Variants in PPARGC1A observed in about 807,000 individuals in gnomAD.
PPARGC1A encodes PPARG coactivator 1 alpha, also known as peroxisome proliferator-activated receptor gamma coactivator 1-alpha.
PPARGC1A carries 25 observed loss-of-function variants against 88.7 expected under a neutral mutation model. The observed-to-expected ratio is 0.28, with a 90% CI of 0.21 to 0.39. PPARGC1A has a LOEUF of 0.39. PPARGC1A is among the 10% of genes least tolerant of loss of function. The pLI is 1.00. For synonymous variants in PPARGC1A, 363 were observed against 355.6 expected (o/e 1.02, Z -0.24); for missense variants, 880 against 968.7 (o/e 0.91, Z 1.22).
chr4:24,275,183 G>T, the PPARGC1A span, among the ~76,000 whole-genome samples: 2 of 149,760 alleles, frequency 1.3e-5, no homozygotes, highest in Non-Finnish European at 3.0e-5. Flanking sequence ...TCAATCTTTT[G>T]TCTGTACAAT....
At chr4:23,873,587 C>A (rs1030574885) in intron 2 of PPARGC1A, among the ~76,000 whole-genome samples, 2 of 149,536 alleles carry the variant, frequency 1.3e-5, no homozygotes, top group Non-Finnish European at 3.0e-5. Context: ...TAGTAAGGTG[C>A]AAATTTGGTT....
At chr4:23,824,419 A>G (rs1723552877) in intron 6 of PPARGC1A, 44 bp downstream of exon 6, 1 of 1,602,586 alleles carries the variant, frequency 6.2e-7, no homozygotes, top group Non-Finnish European at 8.5e-7. Flanking sequence ...ATGTATTAGA[A>G]CCCCCTTCCC....
the PPARGC1A span, among the ~76,000 whole-genome samples, chr4:24,310,380 G>T: frequency 6.6e-6 from 1 of 152,104 alleles, no homozygotes. Flanking sequence ...TACTTTCTAG[G>T]TCCTTCATAT....
chr4:24,273,521 G>A, the PPARGC1A span, among the ~76,000 whole-genome samples: 1 of 152,072 alleles, frequency 6.6e-6, no homozygotes, highest in Non-Finnish European at 1.5e-5. Context: ...AGAACCAAGT[G>A]GAACTTTAGA....
At chr4:24,099,316 C>T in the PPARGC1A span, among the ~76,000 whole-genome samples, 1 of 150,520 alleles carries the variant, frequency 6.6e-6, no homozygotes, top group African/African-American at 2.4e-5. Context: ...AAAAGACCCC[C>T]AGCAGTCTAA....
intron 7 of PPARGC1A, among the ~76,000 whole-genome samples, chr4:23,818,707 G>A (rs745892504): frequency 3.7e-4 from 56 of 151,334 alleles, no homozygotes; most frequent in Non-Finnish European, 4.4e-4. Flanking sequence ...GTTTTGTTTT[G>A]TTTTTCATTA....
the PPARGC1A span, among the ~76,000 whole-genome samples, chr4:24,238,078 T>C: frequency 2.0e-4 from 30 of 152,250 alleles, no homozygotes; most frequent in Middle Eastern, 3.4e-3. Context: ...GCGGCAGTCA[T>C]GTTTTGAGCC....
chr4:23,818,756 GGTTT>G (rs762709938), intron 7 of PPARGC1A, among the ~76,000 whole-genome samples: 14 of 149,642 alleles, frequency 9.4e-5, no homozygotes, highest in Non-Finnish European at 1.9e-4. Flanking sequence ...TTTTCTTTTG[GGTTT>G]GTTTGTTTAA....
chr4:23,945,925 C>T, the PPARGC1A span, among the ~76,000 whole-genome samples: 1 of 152,150 alleles, frequency 6.6e-6, no homozygotes, highest in African/African-American at 2.4e-5. Context: ...ATGTGACCTG[C>T]AGATGTGAGT....
chr4:23,909,276 A>C, the PPARGC1A span, among the ~76,000 whole-genome samples: 1 of 152,234 alleles, frequency 6.6e-6, no homozygotes, highest in Non-Finnish European at 1.5e-5. Flanking sequence ...TTGTCATAAT[A>C]GCAGCTACAA....
the PPARGC1A span, among the ~76,000 whole-genome samples, chr4:24,183,367 T>C: frequency 6.6e-6 from 1 of 152,210 alleles, no homozygotes; most frequent in Non-Finnish European, 1.5e-5. Context: ...TGTGAGGCTC[T>C]GCAGTAGGAA....
the PPARGC1A span, among the ~76,000 whole-genome samples, chr4:24,119,546 C>T: frequency 6.6e-6 from 1 of 152,234 alleles, no homozygotes; most frequent in East Asian, 1.9e-4. Context: ...ACCTCATTAT[C>T]TTAACAAGCC....
intron 2 of PPARGC1A, among the ~76,000 whole-genome samples, chr4:23,850,809 G>C (rs1560442317): frequency 6.6e-6 from 1 of 152,114 alleles, no homozygotes; most frequent in East Asian, 1.9e-4. Context: ...ACTCATTAAA[G>C]GTTACTTAAA....
At chr4:23,948,009 C>T in the PPARGC1A span, among the ~76,000 whole-genome samples, 2 of 152,122 alleles carry the variant, frequency 1.3e-5, no homozygotes, top group African/African-American at 2.4e-5. Flanking sequence ...TGCCACTCAG[C>T]TTAAGTTTCC....
chr4:24,265,997 A>T, the PPARGC1A span, among the ~76,000 whole-genome samples: 4 of 152,140 alleles, frequency 2.6e-5, no homozygotes, highest in East Asian at 7.7e-4. Flanking sequence ...GGAGGCTACA[A>T]ATGCACAGAT....
the PPARGC1A span, among the ~76,000 whole-genome samples, chr4:24,094,028 G>T: frequency 6.6e-6 from 1 of 152,074 alleles, no homozygotes; most frequent in Non-Finnish European, 1.5e-5. Flanking sequence ...TAAGAGGGTG[G>T]GTATTAATTC....
At chr4:24,408,700 C>T in the PPARGC1A span, among the ~76,000 whole-genome samples, 7 of 152,332 alleles carry the variant, frequency 4.6e-5, no homozygotes, top group East Asian at 1.4e-3. Context: ...CCTGAGTCCC[C>T]AGCTGACAGT....
chr4:23,957,207 C>A, the PPARGC1A span, among the ~76,000 whole-genome samples: 1 of 152,226 alleles, frequency 6.6e-6, no homozygotes, highest in Admixed American at 6.5e-5. Flanking sequence ...CCTCCTTCTC[C>A]CCTCTCAGCA....
the PPARGC1A span, among the ~76,000 whole-genome samples, chr4:24,257,238 C>A: frequency 3.0e-4 from 46 of 152,204 alleles, no homozygotes; most frequent in African/African-American, 1.1e-3. Flanking sequence ...AACTGGCCAA[C>A]AAATAGGGCT....
Sources: gnomAD v4.1 joint callset for allele counts (sites outside exome capture counted in the v4.1 genomes callset) on GRCh38, gnomAD v4.1.1 for gene constraint, MANE v1.5 for transcripts, NCBI Gene and HGNC (gene_info 2026-07-23, HGNC 2026-07-21) for gene names.